B3GALT1: variants seen among roughly 807,000 people sequenced by gnomAD.
The protein encoded by B3GALT1 is beta-1,3-galactosyltransferase 1, also known as UDP-Gal:betaGlcNAc beta 1,3-galactosyltransferase, polypeptide 1.
B3GALT1 carries 10 observed loss-of-function variants against 23.2 expected under a neutral mutation model. The ratio of observed to expected loss-of-function variants is 0.43; its 90% confidence interval spans 0.27 to 0.73. B3GALT1 has a LOEUF of 0.73. B3GALT1 is among the 30% of genes least tolerant of loss of function. B3GALT1 has a pLI of 0.21. For synonymous variants in B3GALT1, 156 were observed against 141.5 expected, an observed-to-expected ratio of 1.10 and a Z score of -0.73; for missense variants, 299 against 405.4, an observed-to-expected ratio of 0.74 and a Z score of 2.25.
intron 2 of B3GALT1, among the ~76,000 whole-genome samples, chr2:167,589,947 T>C (rs560183151): frequency 6.6e-6 from 1 of 152,292 alleles, no homozygotes; most frequent in South Asian, 2.1e-4. Flanking sequence ...ATTCCTATCC[T>C]TAACTTTATC....
At chr2:167,651,748 A>G (rs143632428) in intron 3 of B3GALT1, among the ~76,000 whole-genome samples, 32 of 152,284 alleles carry the variant, frequency 2.1e-4, no homozygotes, top group African/African-American at 7.0e-4. Flanking sequence ...TGAGTTCAAT[A>G]GTGCAGTTGA....
intron 2 of B3GALT1, among the ~76,000 whole-genome samples, chr2:167,527,516 T>A (rs1683242536): frequency 6.6e-6 from 1 of 152,166 alleles, no homozygotes; most frequent in African/African-American, 2.4e-5. Flanking sequence ...AAAATCATGT[T>A]ATGCCATTTA....
chr2:167,624,335 A>G (rs922704950), intron 2 of B3GALT1, among the ~76,000 whole-genome samples: 5 of 152,062 alleles, frequency 3.3e-5, no homozygotes, highest in Admixed American at 1.3e-4. Flanking sequence ...GCTTTCTTTA[A>G]TAGGCTTCCT....
At chr2:167,333,735 T>TTAGAGA (rs1697012735) in intron 1 of B3GALT1, among the ~76,000 whole-genome samples, 1 of 152,170 alleles carries the variant, frequency 6.6e-6, no homozygotes, top group African/African-American at 2.4e-5. Context: ...TAGATGACAC[T>TTAGAGA]TAGAGAATTA....
intron 2 of B3GALT1, among the ~76,000 whole-genome samples, chr2:167,596,397 A>G (rs1011745093): frequency 1.3e-5 from 2 of 152,208 alleles, no homozygotes; most frequent in African/African-American, 4.8e-5. Flanking sequence ...GAGAACACCC[A>G]TTTCTAAGTT....
In B3GALT1 at chr2:167,705,135, T is replaced by C. The variant is rs142215773; in HGVS notation, c.-352+58169T>C. ...TGAGATACACAGACATAAGCAGACCTGAGCAACCTACAGCCTAGAGCCAAA... is the reference window on the plus strand; with the variant it reads ...TGAGATACACAGACATAAGCAGACCCGAGCAACCTACAGCCTAGAGCCAAA... On this transcript the variant is annotated intron_variant, in intron 3 of 4. Coordinates refer to ENST00000392690, the MANE Select transcript of B3GALT1 (RefSeq NM_020981.4). Among the ~76,000 whole-genome samples the C allele has an allele frequency of 6.1e-3, 923 of 152,312 alleles. 36 individuals carry two copies. The highest frequency in any genetic ancestry group is 0.054 in the Admixed American group (828 of 15,296).
At chr2:167,544,871 G>A (rs1176070082) in intron 2 of B3GALT1, among the ~76,000 whole-genome samples, 1 of 152,126 alleles carries the variant, frequency 6.6e-6, no homozygotes, top group Non-Finnish European at 1.5e-5. Context: ...GCCGTGGACC[G>A]CAGCGGCGAG....
chr2:167,537,881 T>C (rs1476036905), intron 2 of B3GALT1, among the ~76,000 whole-genome samples: 1 of 149,700 alleles, frequency 6.7e-6, no homozygotes, highest in African/African-American at 2.5e-5. Context: ...TTGAGTGCAA[T>C]GGCATGTTCT....
chr2:167,842,300 G>A (rs10205480), intron 4 of B3GALT1, among the ~76,000 whole-genome samples: 3 of 152,176 alleles, frequency 2.0e-5, no homozygotes, highest in Non-Finnish European at 4.4e-5. Flanking sequence ...AAACTCCACT[G>A]CATGTGCCTT....
rs1488752770 is a variant in B3GALT1, at chr2:167,543,900, T to C, written c.-410+53623T>C. On this transcript the variant is annotated intron_variant, in intron 2 of 4. Transcript: ENST00000392690. ...ATTATTTTCCTTACATAACAAGAAG[T>C]CTGGAAACAGGTAGCAGAAGGCTAA... Among the ~76,000 whole-genome samples the C allele has an allele frequency of 5.9e-5, 9 of 152,334 alleles. No individual in the cohort carries two copies. In the East Asian group the frequency reaches 1.3e-3, roughly 23 times the overall value.
At chr2:167,756,699 C>T (rs933254345) in intron 3 of B3GALT1, among the ~76,000 whole-genome samples, 4 of 152,122 alleles carry the variant, frequency 2.6e-5, no homozygotes, top group African/African-American at 9.7e-5. Context: ...TGTGTTTCAA[C>T]CAGAGAACCT....
At chr2:167,726,166 C>T (rs1687310601) in intron 3 of B3GALT1, among the ~76,000 whole-genome samples, 1 of 152,146 alleles carries the variant, frequency 6.6e-6, no homozygotes, top group Non-Finnish European at 1.5e-5. Flanking sequence ...TGTTTTTAGC[C>T]TGCTTCTCCA....
rs575347270 is a variant in B3GALT1 at position 167,569,262 on chromosome 2, T to A, written c.-409-77647T>A. Among the ~76,000 whole-genome samples the A allele has an allele frequency of 4.6e-5, 7 of 152,058 alleles. No individual in the cohort carries two copies. In the South Asian group the frequency reaches 1.5e-3, roughly 32 times the overall value. The stretch of plus-strand genomic sequence containing the variant: ...GTTTGTCTACAGCCATAAAATAAGT[T>A]GCTAGGGTTTTGATTGAGTCTGTAT... On this transcript the variant is annotated intron_variant, in intron 2 of 4. Transcript: ENST00000392690.
At chr2:167,849,614 G>A (rs997131829) in intron 4 of B3GALT1, among the ~76,000 whole-genome samples, 10 of 152,134 alleles carry the variant, frequency 6.6e-5, no homozygotes, top group South Asian at 2.1e-4. Context: ...CTGGCCGGGC[G>A]CGGTGGCTCA....
intron 1 of B3GALT1, among the ~76,000 whole-genome samples, chr2:167,358,220 GA>G (rs1697445639): frequency 6.6e-6 from 1 of 152,154 alleles, no homozygotes; most frequent in Non-Finnish European, 1.5e-5. Context: ...GAAAAACCAA[GA>G]TAAGTCCAGA....
chr2:167,608,064 A>T (rs937608537), intron 2 of B3GALT1, among the ~76,000 whole-genome samples: 2 of 152,194 alleles, frequency 1.3e-5, no homozygotes, highest in South Asian at 4.1e-4. Context: ...CGTAGACAAA[A>T]TTATGAAAAG....
At chr2:167,825,461 C>T (rs1005965543) in intron 4 of B3GALT1, among the ~76,000 whole-genome samples, 24 of 123,572 alleles carry the variant, frequency 1.9e-4, no homozygotes, top group South Asian at 1.1e-3. Context: ...TGTGTGCGTG[C>T]ACGTGTGTGT....
chr2:167,717,701 G>T (rs1687173872), intron 3 of B3GALT1, among the ~76,000 whole-genome samples: 1 of 152,008 alleles, frequency 6.6e-6, no homozygotes, highest in Admixed American at 6.6e-5. Flanking sequence ...CTTTATTTAG[G>T]ATAAGTTTAT....
intron 2 of B3GALT1, among the ~76,000 whole-genome samples, chr2:167,496,159 C>G (rs1290897288): frequency 6.6e-6 from 1 of 152,082 alleles, no homozygotes; most frequent in Non-Finnish European, 1.5e-5. Context: ...ATTTTTATCA[C>G]ACATAGGACC....
Sources: allele counts gnomAD v4.1 joint callset (sites outside exome capture counted in the v4.1 genomes callset), GRCh38; gene constraint gnomAD v4.1.1; transcripts MANE v1.5; gene names NCBI Gene and HGNC (gene_info 2026-07-23, HGNC 2026-07-21).